Variants in PCED1B observed in about 807,000 individuals in gnomAD.
The protein encoded by PCED1B is PC-esterase domain containing 1B, also known as PC-esterase domain-containing protein 1B.
For missense variants in PCED1B, 573 were observed against 573.9 expected, an observed-to-expected ratio of 1.00 and a Z score of 0.02; for synonymous variants, 251 against 246.1, an observed-to-expected ratio of 1.02 and a Z score of -0.19.
chr12:47,192,932 G>A (rs776546632), intron 2 of PCED1B, among the ~76,000 whole-genome samples: 6 of 152,110 alleles, frequency 3.9e-5, no homozygotes, highest in Admixed American at 1.3e-4. Context: ...TAGCTCCAAT[G>A]TCCATTCTTC....
chr12:47,135,166 C>T (rs1252773259), intron 2 of PCED1B, among the ~76,000 whole-genome samples: 1 of 152,144 alleles, frequency 6.6e-6, no homozygotes, highest in Non-Finnish European at 1.5e-5. Context: ...GTCCATAGAT[C>T]TAGGTGAACT....
intron 2 of PCED1B, among the ~76,000 whole-genome samples, chr12:47,150,304 G>A (rs1035380168): frequency 2.0e-5 from 3 of 151,970 alleles, no homozygotes; most frequent in Non-Finnish European, 2.9e-5. Flanking sequence ...GGCCGGGCGC[G>A]GTGGCTCAAG....
intron 1 of PCED1B, among the ~76,000 whole-genome samples, chr12:47,086,633 A>G (rs1357558409): frequency 6.6e-6 from 1 of 152,244 alleles, no homozygotes; most frequent in Non-Finnish European, 1.5e-5. Flanking sequence ...TCAGTGTGTC[A>G]AAACTATGCA....
intron 2 of PCED1B, among the ~76,000 whole-genome samples, chr12:47,159,232 G>C (rs1343181381): frequency 6.6e-6 from 1 of 152,062 alleles, no homozygotes; most frequent in Non-Finnish European, 1.5e-5. Context: ...TTAATATACT[G>C]ATTTCTTTTC....
chr12:47,138,124 G>A (rs1481115599), intron 2 of PCED1B: 2 of 152,206 alleles, frequency 1.3e-5, no homozygotes, highest in Non-Finnish European at 2.9e-5. Context: ...ATGGTAAACA[G>A]AACATACTGT....
rs1402264441 is a variant in PCED1B at position 47,170,322 on chromosome 12, ATC to A, written c.-525-45894_-525-45893del. 2.6e-5 allele frequency among the ~76,000 whole-genome samples: 4 copies of A among 152,244 alleles called. No individual in the cohort carries two copies. The East Asian group carries it at 5.8e-4, about 22-fold the overall frequency. ...TCTACACAGACACAGTAACAATCTGATCTCTCTTTTCCCCACATTTCCCCCTT... is the reference window on the plus strand; with the variant it reads ...TCTACACAGACACAGTAACAATCTGATCTCTTTTCCCCACATTTCCCCCTT... On this transcript the variant is annotated intron_variant, in intron 2 of 3. Transcript: ENST00000546455.
At chr12:47,080,668 G>A (rs930045919) in intron 1 of PCED1B, among the ~76,000 whole-genome samples, 1 of 152,190 alleles carries the variant, frequency 6.6e-6, no homozygotes, top group Non-Finnish European at 1.5e-5. Context: ...AAGGAGGAGG[G>A]CAGGAAAGAA....
At chr12:47,207,213 A>T (rs1022689306) in intron 2 of PCED1B, among the ~76,000 whole-genome samples, 1 of 152,272 alleles carries the variant, frequency 6.6e-6, no homozygotes, top group African/African-American at 2.4e-5. Flanking sequence ...AAGGTGACAG[A>T]TGGAGGACTA....
intron 2 of PCED1B, among the ~76,000 whole-genome samples, chr12:47,158,458 G>A (rs1241835106): frequency 6.6e-6 from 1 of 152,118 alleles, no homozygotes; most frequent in Non-Finnish European, 1.5e-5. Context: ...TATTTTTGAA[G>A]AAATGCCTAT....
At chr12:47,090,739 T>C (rs1193603332) in intron 1 of PCED1B, among the ~76,000 whole-genome samples, 1 of 152,216 alleles carries the variant, frequency 6.6e-6, no homozygotes, top group African/African-American at 2.4e-5. Flanking sequence ...ATCTTTATGT[T>C]GGAGAGATTC....
intron 1 of PCED1B, among the ~76,000 whole-genome samples, chr12:47,097,427 G>A (rs538823014): frequency 6.6e-6 from 1 of 152,260 alleles, no homozygotes; most frequent in African/African-American, 2.4e-5. Context: ...CCACATTAAA[G>A]CCACGCCTAA....
chr12:47,229,135 C>T (rs981355918), intron 3 of PCED1B, among the ~76,000 whole-genome samples: 1 of 151,848 alleles, frequency 6.6e-6, no homozygotes, highest in African/African-American at 2.4e-5. Context: ...TGTTTCAGGC[C>T]GGGCACGGTG....
chr12:47,168,329 T>C (rs1466656228), intron 2 of PCED1B, among the ~76,000 whole-genome samples: 1 of 152,232 alleles, frequency 6.6e-6, no homozygotes, highest in Non-Finnish European at 1.5e-5. Flanking sequence ...ATTTATTCCC[T>C]GTAGGTTTTT....
At chr12:47,149,129 A>C (rs984824761) in intron 2 of PCED1B, among the ~76,000 whole-genome samples, 12 of 152,198 alleles carry the variant, frequency 7.9e-5, no homozygotes, top group African/African-American at 2.7e-4. Flanking sequence ...CTGTGCTCTC[A>C]ACGAATGGAA....
intron 2 of PCED1B, among the ~76,000 whole-genome samples, chr12:47,174,983 G>A (rs1941875253): frequency 6.6e-6 from 1 of 152,158 alleles, no homozygotes; most frequent in African/African-American, 2.4e-5. Flanking sequence ...AAGTAATGCT[G>A]AGTATTGTGA....
intron 1 of PCED1B, among the ~76,000 whole-genome samples, chr12:47,083,144 T>A (rs1284821061): frequency 6.6e-6 from 1 of 151,750 alleles, no homozygotes; most frequent in East Asian, 1.9e-4. Context: ...AATCAAAGAT[T>A]TAAGTAATTA....
chr12:47,155,399 C>T (rs570505443), intron 2 of PCED1B, among the ~76,000 whole-genome samples: 1 of 152,254 alleles, frequency 6.6e-6, no homozygotes, highest in African/African-American at 2.4e-5. Context: ...GTGAAGTTAC[C>T]TTGTGTTGTA....
intron 1 of PCED1B, among the ~76,000 whole-genome samples, chr12:47,087,752 A>C (rs1323335253): frequency 1.3e-5 from 2 of 152,234 alleles, no homozygotes; most frequent in African/African-American, 4.8e-5. Context: ...AATTGTATGC[A>C]AATAAAAATA....
chr12:47,080,336 C>T (rs926966877), intron 1 of PCED1B, among the ~76,000 whole-genome samples: 3 of 152,222 alleles, frequency 2.0e-5, no homozygotes, highest in African/African-American at 7.2e-5. Flanking sequence ...GCACAGGTCA[C>T]GTCTCTCTCC....
Sources: allele counts gnomAD v4.1 joint callset (sites outside exome capture counted in the v4.1 genomes callset), GRCh38; gene constraint gnomAD v4.1.1; transcripts MANE v1.5; gene names NCBI Gene and HGNC (gene_info 2026-07-23, HGNC 2026-07-21).